SUCLA2: variants seen among roughly 807,000 people sequenced by gnomAD.
SUCLA2 encodes the protein succinate--CoA ligase [ADP-forming] subunit beta, mitochondrial.
SUCLA2 carries 30 observed loss-of-function variants against 54.8 expected under a neutral mutation model. The ratio of observed to expected loss-of-function variants is 0.55; its 90% CI spans 0.41 to 0.74. SUCLA2 has a LOEUF of 0.74. Ranked by LOEUF, SUCLA2 falls within the 30% of genes least tolerant of loss-of-function variation. SUCLA2 has a pLI of 0.00. For missense variants in SUCLA2, 476 were observed against 562.9 expected, an observed-to-expected ratio of 0.85 and a Z score of 1.56; for synonymous variants, 172 against 188.9, an observed-to-expected ratio of 0.91 and a Z score of 0.74.
Position 47,973,267 on chromosome 13 carries a change from G to A in SUCLA2, c.660C>T (p.Leu220=), listed in dbSNP as rs148794726. Residue 220 remains leucine, a synonymous_variant, in exon 5 of 11, where the codon CTC becomes CTT. Transcript: ENST00000646932. ...IEEGIKKEQA[L]QLAQKMGFPP... ...ATTTTTCAGGAATACAACATACCTG[G>A]AGAGCTTGTTCCTTTTTGATGCCTT... 9.6e-5 allele frequency: 155 copies of A among 1,612,302 alleles called. No homozygotes were observed. The African/African-American group carries it at 1.6e-3, about 17-fold the overall frequency.
intron 4 of SUCLA2, among the ~76,000 whole-genome samples, chr13:47,976,696 T>C (rs1036631491): frequency 6.6e-6 from 1 of 152,298 alleles, no homozygotes; most frequent in Non-Finnish European, 1.5e-5. Context: ...TCATCTGAAA[T>C]GCTTAGGACC....
In SUCLA2 at chr13:47,948,995, G is replaced by A. The variant is rs1446432165; in HGVS notation, c.1262C>T (p.Ala421Val). 5 of 1,613,694 alleles carry A rather than the reference G, an allele frequency of 3.1e-6. No individual in the cohort carries two copies. Among genetic ancestry groups the A allele is most frequent in the East Asian group, 4.5e-5 (2 of 44,862 alleles). Residue 421 changes from alanine (A) to valine (V), a missense_variant, in exon 10 of 11, where the codon GCG becomes GTG. This residue lies in a region of SUCLA2 where 342 missense variants were observed against 444.2 expected (regional missense o/e 0.77). Transcript: ENST00000646932. ...AGCAAGTATTTTAAGTCCACTGTCCGCTATCAGTGCCTTAGCATCATCGAC... is the reference window on the plus strand; with the variant it reads ...AGCAAGTATTTTAAGTCCACTGTCCACTATCAGTGCCTTAGCATCATCGAC... ...TRVDDAKALI[A>V]DSGLKILACD...
rs866938925 is a variant in SUCLA2 at position 47,973,806 on chromosome 13, G to A, written c.535-414C>T. On this transcript the variant is annotated intron_variant, in intron 4 of 10. Coordinates refer to ENST00000646932, the MANE Select transcript of SUCLA2 (RefSeq NM_003850.3). ...CCTTTGCAGGGACATGGATGAAGCTGGAAACTATCATTCTCAACAAACTAA... is the reference window on the plus strand; with the variant it reads ...CCTTTGCAGGGACATGGATGAAGCTAGAAACTATCATTCTCAACAAACTAA... 2.6e-5 allele frequency among the ~76,000 whole-genome samples: 4 copies of A among 152,078 alleles called. No homozygotes were observed. In the South Asian group the frequency reaches 8.3e-4, roughly 31 times the overall value.
chr13:47,990,738 C>T (rs4942733), intron 2 of SUCLA2, among the ~76,000 whole-genome samples: 9,810 of 152,016 alleles, frequency 0.065, 607 homozygotes, highest in East Asian at 0.18. Context: ...TGTCACTCCA[C>T]GATGCATTTA....
intron 1 of SUCLA2, chr13:48,000,914 C>CTTAGAAACTTAGA (rs1418549461): frequency 1.2e-5 from 17 of 1,361,986 alleles, no homozygotes; most frequent in Non-Finnish European, 1.3e-5. Flanking sequence ...CACCTGCTCC[C>CTTAGAAACTTAGA]GCCCATCTCT....
At chr13:47,989,377 A>G (rs1283342776) in intron 2 of SUCLA2, among the ~76,000 whole-genome samples, 1 of 151,618 alleles carries the variant, frequency 6.6e-6, no homozygotes, top group Non-Finnish European at 1.5e-5. Context: ...TGCCTGGCTA[A>G]TTTTTTTGTA....
intron 8 of SUCLA2, among the ~76,000 whole-genome samples, chr13:47,953,913 G>T (rs1166914544): frequency 6.6e-6 from 1 of 151,662 alleles, no homozygotes; most frequent in Non-Finnish European, 1.5e-5. Context: ...TCTAAATTAT[G>T]GCACATCTAT....
intron 4 of SUCLA2, among the ~76,000 whole-genome samples, chr13:47,976,905 T>C (rs1295708686): frequency 1.3e-5 from 2 of 151,154 alleles, no homozygotes; most frequent in South Asian, 2.1e-4. Flanking sequence ...CCTATATTTA[T>C]ACCACAAGAA....
At chr13:47,974,503 C>T (rs1949992971) in intron 4 of SUCLA2, among the ~76,000 whole-genome samples, 1 of 152,102 alleles carries the variant, frequency 6.6e-6, no homozygotes, top group Non-Finnish European at 1.5e-5. Flanking sequence ...GGGACGATGG[C>T]TTGAGACTGA....
intron 6 of SUCLA2, 109 bp from the exon 7 acceptor site, chr13:47,954,666 T>A (rs1234206912): frequency 1.7e-6 from 2 of 1,153,416 alleles, no homozygotes; most frequent in East Asian, 5.0e-5. Context: ...TTAATTTTGT[T>A]ACTTAATGAA....
chr13:47,995,746 G>A (rs1950185835), intron 2 of SUCLA2, among the ~76,000 whole-genome samples: 1 of 152,092 alleles, frequency 6.6e-6, no homozygotes, highest in East Asian at 1.9e-4. Flanking sequence ...TTAAAATACT[G>A]CTAAAAAGAA....
chr13:47,969,276 A>G (rs896468484), intron 5 of SUCLA2, among the ~76,000 whole-genome samples: 1 of 151,338 alleles, frequency 6.6e-6, no homozygotes, highest in African/African-American at 2.4e-5. Context: ...AGAAGACCCT[A>G]TTTTACCTTT....
At chr13:47,982,924 C>T (rs1950070650) in intron 4 of SUCLA2, among the ~76,000 whole-genome samples, 2 of 152,218 alleles carry the variant, frequency 1.3e-5, no homozygotes, top group South Asian at 2.1e-4. Flanking sequence ...TTAACATTTT[C>T]CTGAGCTCTG....
At chr13:47,971,968 G>C (rs1177665405) in intron 5 of SUCLA2, 1 of 397,616 alleles carries the variant, frequency 2.5e-6, no homozygotes, top group African/African-American at 2.1e-5. Context: ...AACAATGAAG[G>C]GACCGGACGC....
chr13:47,984,391 A>T (rs1950083571), intron 4 of SUCLA2, among the ~76,000 whole-genome samples: 1 of 150,776 alleles, frequency 6.6e-6, no homozygotes. Flanking sequence ...TTTAGTAGAG[A>T]CAGTGTTTCA....
Position 47,966,214 on chromosome 13 carries a change from G to A in SUCLA2, c.802+2381C>T, listed in dbSNP as rs114954798. 7.4e-3 allele frequency among the ~76,000 whole-genome samples: 1,123 copies of A among 152,084 alleles called. 10 individuals are homozygous for A. Among genetic ancestry groups the A allele is most frequent in the African/African-American group, 0.026 (1,072 of 41,490 alleles). Reference sequence around the variant, plus strand: ...AACACAGGGTGAAATGTAAACAACCGGCAATGTTGACTAAAGTGTATTTAG... The same window carrying A: ...AACACAGGGTGAAATGTAAACAACCAGCAATGTTGACTAAAGTGTATTTAG... On this transcript the variant is annotated intron_variant, in intron 6 of 10. Transcript: ENST00000646932.
chr13:47,969,532 G>A (rs941223565), intron 5 of SUCLA2, among the ~76,000 whole-genome samples: 16 of 152,262 alleles, frequency 1.1e-4, no homozygotes, highest in African/African-American at 3.8e-4. Flanking sequence ...AGAAGTTCTG[G>A]TTGACAAGTT....
At chr13:47,999,855 C>T (rs1950216731) in intron 1 of SUCLA2, among the ~76,000 whole-genome samples, 5 of 152,070 alleles carry the variant, frequency 3.3e-5, no homozygotes, top group Admixed American at 3.3e-4. Context: ...AGCTGCATTT[C>T]TTAATACCAG....
At position 47,996,911 on chromosome 13, in the gene SUCLA2, C is replaced by A. The variant is rs1191087490; in HGVS notation, c.203G>T (p.Gly68Val). ...YMSMELLQEAGVSVPKGYVAK... is the reference protein window; with the variant it reads ...YMSMELLQEAVVSVPKGYVAK... ...CACATATCCTTTGGGAACGGAGACA[C>A]CAGCTTCTTGCAATAATTCCATACT... The change falls in exon 2 of 11, where the codon GGT (glycine) becomes GTT (valine). Residue 68 changes from glycine (G) to valine (V), a missense_variant. Transcript: ENST00000646932. 3 of 1,613,958 alleles carry A rather than the reference C, an allele frequency of 1.9e-6. No homozygotes were observed. Among genetic ancestry groups the A allele is most frequent in the Admixed American group, 1.7e-5 (1 of 60,000 alleles).
Sources: allele counts gnomAD v4.1 joint callset (sites outside exome capture counted in the v4.1 genomes callset), GRCh38; gene constraint gnomAD v4.1.1; regional missense constraint gnomAD v4.1.1; transcripts MANE v1.5; gene names NCBI Gene and HGNC (gene_info 2026-07-23, HGNC 2026-07-21).